The following LMO7 variants were observed in gnomAD, a reference collection of about 807,000 sequenced individuals.
LMO7 encodes LIM domain 7.
LMO7 carries 120 observed loss-of-function variants against 206.5 expected under a neutral mutation model. The observed-to-expected ratio is 0.58, with a 90% CI of 0.50 to 0.68. The LOEUF is 0.68. LMO7 is among the 30% of genes least tolerant of loss of function. The pLI is 0.00. For synonymous variants in LMO7, 706 were observed against 681.5 expected, an observed-to-expected ratio of 1.04 and a Z score of -0.56; for missense variants, 1,959 against 1,957.9, an observed-to-expected ratio of 1.00 and a Z score of -0.01.
intron 1 of LMO7, among the ~76,000 whole-genome samples, chr13:75,646,417 C>T (rs1391805301): frequency 1.3e-5 from 2 of 152,150 alleles, no homozygotes; most frequent in Non-Finnish European, 2.9e-5. Context: ...CTGACAATGG[C>T]TTTCCATTAC....
At chr13:75,788,823 G>A (rs1013725788) in intron 4 of LMO7, 1 of 152,620 alleles carries the variant, frequency 6.6e-6, no homozygotes, top group South Asian at 2.1e-4. Flanking sequence ...CCCAGGGCAG[G>A]GCAGGGCTGG....
Position 75,645,740 on chromosome 13 carries a change from C to T in LMO7, c.69+9014C>T, listed in dbSNP as rs141078280. Among the ~76,000 whole-genome samples the T allele has an allele frequency of 8.1e-3, 1,235 of 152,256 alleles. 49 individuals are homozygous for T. The highest frequency in any genetic ancestry group is 0.067 in the Admixed American group (1,026 of 15,290). ...CATCAGATAGAGTTGGTGATGACTT[C>T]CTTCTCAAACCCTTCATTGCCCTCT... On this transcript the variant is annotated intron_variant, in intron 1 of 30. Transcript: ENST00000377534.
chr13:75,849,030 A>G (rs1427328208), intron 26 of LMO7, 49 bp from the exon 27 acceptor site: 2 of 1,103,762 alleles, frequency 1.8e-6, no homozygotes, highest in Non-Finnish European at 2.7e-6. Context: ...CATCACTGTC[A>G]CTTTTAAAAG....
chr13:75,647,042 A>G (rs1434634314), intron 1 of LMO7, among the ~76,000 whole-genome samples: 2 of 151,154 alleles, frequency 1.3e-5, no homozygotes, highest in Non-Finnish European at 2.9e-5. Context: ...ATTTATTATC[A>G]CTTGCCTCTG....
At chr13:75,776,505 A>G (rs1008531883) in intron 4 of LMO7, among the ~76,000 whole-genome samples, 1 of 152,100 alleles carries the variant, frequency 6.6e-6, no homozygotes, top group Non-Finnish European at 1.5e-5. Flanking sequence ...TTCTTGGAAT[A>G]GCTTTTATGA....
Position 75,636,706 on chromosome 13 carries a change from G to C in LMO7, c.49G>C (p.Glu17Gln). 10 of 1,609,520 alleles carry C rather than the reference G, an allele frequency of 6.2e-6. No homozygotes were observed. Among genetic ancestry groups the C allele is most frequent in the Non-Finnish European group, 8.5e-6 (10 of 1,178,664 alleles). Residue 17 changes from glutamate to glutamine, a missense_variant, in exon 1 of 31, where the codon GAG (glutamate) becomes CAG (glutamine). Glu to Gln is a conservative substitution (Grantham distance 29). Transcript: ENST00000377534. ...GGCCAACTGCTCCGTGGCGTTCGCT[G>C]AGGCTCAGAGATGGGTGGAGGTGAG... ...AEANCSVAFA[E>Q]AQRWVEAVTE... is the part of the protein sequence containing the mutation.
At chr13:75,720,274 C>G (rs2043907472) in intron 2 of LMO7, among the ~76,000 whole-genome samples, 1 of 152,132 alleles carries the variant, frequency 6.6e-6, no homozygotes, top group South Asian at 2.1e-4. Context: ...TTCTCTCAGT[C>G]TGTGGCTTGT....
At chr13:75,653,797 A>T (rs933872183) in intron 1 of LMO7, among the ~76,000 whole-genome samples, 3 of 152,346 alleles carry the variant, frequency 2.0e-5, no homozygotes, top group Non-Finnish European at 4.4e-5. Context: ...TACACTTGCA[A>T]TTCTGGTACC....
chr13:75,692,395 C>CTTTTTTTT (rs35029342), intron 1 of LMO7, among the ~76,000 whole-genome samples: 1 of 144,764 alleles, frequency 6.9e-6, no homozygotes. Flanking sequence ...GTTTCTTTTC[C>CTTTTTTTT]TTTTTTTTTT....
At chr13:75,742,980 A>G (rs1268624807) in intron 3 of LMO7, among the ~76,000 whole-genome samples, 1 of 152,232 alleles carries the variant, frequency 6.6e-6, no homozygotes, top group African/African-American at 2.4e-5. Context: ...TGCATCTGAC[A>G]AAGATCTAAT....
intron 2 of LMO7, 41 bp from the exon 3 acceptor site, chr13:75,726,988 T>A (rs746484846): frequency 9.0e-7 from 1 of 1,111,588 alleles, no homozygotes. Context: ...AAACCTGATA[T>A]TGGCATCTTG....
intron 1 of LMO7, among the ~76,000 whole-genome samples, chr13:75,710,418 T>A (rs1052477773): frequency 6.6e-5 from 10 of 152,236 alleles, no homozygotes; most frequent in African/African-American, 2.2e-4. Context: ...ATATTGATTC[T>A]TCTATCCATG....
intron 14 of LMO7, among the ~76,000 whole-genome samples, chr13:75,821,919 G>A (rs891006404): frequency 6.6e-6 from 1 of 151,888 alleles, no homozygotes; most frequent in Non-Finnish European, 1.5e-5. Context: ...TAAAGTTTTA[G>A]GTTGAAAAAT....
In LMO7 at chr13:75,805,720, G is replaced by A; in HGVS notation, c.1156G>A (p.Glu386Lys). The change falls in exon 9 of 31, where the codon GAA (glutamate) becomes AAA (lysine). Residue 386 changes from glutamate (E) to lysine (K), a missense_variant. Coordinates refer to ENST00000377534, the MANE Select transcript of LMO7 (RefSeq NM_001306080.2). ...TGTGAACTGGAAAAGAATAAAAAGG[G>A]AAACTTATAAGCCATGGTATAAAGA... Reference protein sequence around the residue: ...EDVNWKRIKRETYKPWYKEFQ... With the variant: ...EDVNWKRIKRKTYKPWYKEFQ... The A allele has an allele frequency of 6.2e-7, 1 of 1,614,000 alleles. No homozygotes were observed. Among genetic ancestry groups the A allele is most frequent in the Non-Finnish European group, 8.5e-7 (1 of 1,179,884 alleles).
At chr13:75,837,218 A>C (rs1469971226) in intron 19 of LMO7, among the ~76,000 whole-genome samples, 1 of 152,108 alleles carries the variant, frequency 6.6e-6, no homozygotes, top group African/African-American at 2.4e-5. Context: ...CCCTTTCCTC[A>C]TCGATTATTT....
At chr13:75,655,903 G>A (rs545499450) in intron 1 of LMO7, among the ~76,000 whole-genome samples, 1 of 151,932 alleles carries the variant, frequency 6.6e-6, no homozygotes, top group Non-Finnish European at 1.5e-5. Context: ...CCATTTCTGG[G>A]CTGCCTTGTG....
rs565086084 is a variant in LMO7 at position 75,732,812 on chromosome 13, C to T, written c.210+5714C>T. Among the ~76,000 whole-genome samples the T allele has an allele frequency of 1.2e-4, 18 of 152,156 alleles. 1 individual carries two copies. In the South Asian group the frequency reaches 3.7e-3, roughly 32 times the overall value. On this transcript the variant is annotated intron_variant, in intron 3 of 30. Coordinates refer to ENST00000377534, the MANE Select transcript of LMO7 (RefSeq NM_001306080.2). ...ACAGATGGGTTTTTGGTGTGGATGT[C>T]CTTTCTGTTTGTTAGTTTTCCTTCT...
At chr13:75,836,660 C>G (rs1430090388) in intron 19 of LMO7, among the ~76,000 whole-genome samples, 1 of 152,210 alleles carries the variant, frequency 6.6e-6, no homozygotes, top group African/African-American at 2.4e-5. Context: ...GCACTGCAAA[C>G]AAAGCTTTGG....
intron 29 of LMO7, 148 bp from the exon 30 acceptor site, chr13:75,856,358 A>T: frequency 1.9e-6 from 1 of 537,830 alleles, no homozygotes; most frequent in East Asian, 3.2e-5. Flanking sequence ...TGAATCTACT[A>T]ATCATCTTTC....
Sources: gnomAD v4.1 joint callset for allele counts (sites outside exome capture counted in the v4.1 genomes callset) on GRCh38, gnomAD v4.1.1 for gene constraint, MANE v1.5 for transcripts, NCBI Gene and HGNC (gene_info 2026-07-23, HGNC 2026-07-21) for gene names.